The following FNDC3B variants were observed in gnomAD, a reference collection of about 807,000 sequenced individuals.
The protein encoded by FNDC3B is fibronectin type III domain containing 3B, also known as fibronectin type III domain-containing protein 3B.
In FNDC3B, 12 loss-of-function variants were observed where a neutral mutation model predicts 151.5. The observed-to-expected ratio is 0.08, with a 90% CI of 0.05 to 0.13. The LOEUF (loss-of-function observed/expected upper bound fraction) is 0.13. Among genes scored for constraint, FNDC3B ranks in the 10% least tolerant of loss-of-function variants. The pLI is 1.00. For missense variants in FNDC3B, 1,214 were observed against 1,505.3 expected (o/e 0.81, Z 3.20); for synonymous variants, 528 against 549.0 (o/e 0.96, Z 0.54).
intron 22 of FNDC3B, among the ~76,000 whole-genome samples, chr3:172,357,654 T>A (rs1333064315): frequency 6.6e-6 from 1 of 152,188 alleles, no homozygotes; most frequent in Admixed American, 6.5e-5. Flanking sequence ...TTCAGCTGTC[T>A]CAGCCTCCTG....
intron 2 of FNDC3B, among the ~76,000 whole-genome samples, chr3:172,114,945 A>G (rs76830237): frequency 3.2e-4 from 48 of 152,350 alleles, no homozygotes; most frequent in African/African-American, 1.1e-3. Context: ...AAGCATTAAC[A>G]TCCTTGGTTC....
chr3:172,385,569 T>A (rs1735668914), intron 25 of FNDC3B, among the ~76,000 whole-genome samples: 1 of 151,532 alleles, frequency 6.6e-6, no homozygotes, highest in Non-Finnish European at 1.5e-5. Context: ...TTTTCTTTTT[T>A]TTTTTTTTGG....
intron 1 of FNDC3B, among the ~76,000 whole-genome samples, chr3:172,045,794 CTATATA>C (rs1164183832): frequency 1.4e-5 from 2 of 146,774 alleles, no homozygotes; most frequent in African/African-American, 5.0e-5. Context: ...CTCTCTCTCT[CTATATA>C]TATATATACA....
chr3:172,074,161 C>T (rs550335951), intron 1 of FNDC3B, among the ~76,000 whole-genome samples: 101 of 152,344 alleles, frequency 6.6e-4, no homozygotes, highest in African/African-American at 2.3e-3. Flanking sequence ...AAGGCTGCTT[C>T]TAGCCTGAGG....
At chr3:172,150,360 ACT>A (rs1722156664) in intron 3 of FNDC3B, among the ~76,000 whole-genome samples, 1 of 151,852 alleles carries the variant, frequency 6.6e-6, no homozygotes, top group South Asian at 2.1e-4. Flanking sequence ...GAATGAAAAA[ACT>A]CTAAAACAGA....
intron 6 of FNDC3B, among the ~76,000 whole-genome samples, chr3:172,279,247 C>T (rs1274626826): frequency 1.3e-5 from 2 of 152,014 alleles, no homozygotes; most frequent in Non-Finnish European, 2.9e-5. Flanking sequence ...GGAAATCATC[C>T]TGTCCAGTGA....
chr3:172,310,932 A>G (rs942508496), intron 11 of FNDC3B, 51 bp downstream of exon 11: 1 of 1,249,738 alleles, frequency 8.0e-7, no homozygotes, highest in African/African-American at 1.5e-5. Flanking sequence ...CAAAAACAAA[A>G]TTAACTGAAC....
At chr3:172,215,135 A>G (rs140358053) in intron 3 of FNDC3B, among the ~76,000 whole-genome samples, 14 of 152,364 alleles carry the variant, frequency 9.2e-5, no homozygotes, top group African/African-American at 3.4e-4. Flanking sequence ...TATTTGCAAA[A>G]TTGCCCTGCC....
intron 1 of FNDC3B, among the ~76,000 whole-genome samples, chr3:172,063,758 T>G (rs1168923057): frequency 6.6e-6 from 1 of 152,184 alleles, no homozygotes; most frequent in Non-Finnish European, 1.5e-5. Flanking sequence ...CTCTAATGCC[T>G]TTTCTAGCTC....
At chr3:172,225,135 C>T (rs1439652448) in intron 3 of FNDC3B, among the ~76,000 whole-genome samples, 3 of 152,170 alleles carry the variant, frequency 2.0e-5, no homozygotes, top group Non-Finnish European at 4.4e-5. Context: ...TTGTTGTTCA[C>T]GTCTTTTATT....
At chr3:172,134,345 C>T (rs200006160) in intron 3 of FNDC3B, 23 of 517,546 alleles carry the variant, frequency 4.4e-5, no homozygotes, top group Admixed American at 3.9e-5. Flanking sequence ...CTGATGTTAG[C>T]TGGTAAACAC....
In FNDC3B at chr3:172,362,916, A is replaced by G. The variant is rs899456922; in HGVS notation, c.3008+71A>G. The G allele has an allele frequency of 1.1e-4, 138 of 1,239,246 alleles. No homozygotes were observed. Among genetic ancestry groups the G allele is most frequent in the Admixed American group, 1.0e-4 (5 of 49,390 alleles). 76.8% of individuals were successfully genotyped at this position (1,239,246 alleles called of 1,614,324 possible). A position where few individuals can be genotyped will look rare whatever the true frequency, so the allele number is the denominator to read the frequency against. Reference sequence around the variant, plus strand: ...TTGTGGGATGAAATCTCAATTGTACATTTTTATTTGCTTGCACTAAGACCC... The same window carrying G: ...TTGTGGGATGAAATCTCAATTGTACGTTTTTATTTGCTTGCACTAAGACCC... On this transcript the variant is annotated intron_variant, in intron 23 of 25. Coordinates refer to ENST00000415807, the MANE Select transcript of FNDC3B (RefSeq NM_022763.4).
At chr3:172,322,051 C>T (rs575170037) in intron 11 of FNDC3B, among the ~76,000 whole-genome samples, 1 of 152,326 alleles carries the variant, frequency 6.6e-6, no homozygotes, top group Non-Finnish European at 1.5e-5. Context: ...TGTAATATTG[C>T]ATAACAAATT....
intron 3 of FNDC3B, among the ~76,000 whole-genome samples, chr3:172,211,173 T>G (rs1560020188): frequency 1.3e-5 from 2 of 152,224 alleles, no homozygotes. Context: ...ATAACATAAA[T>G]GTAAAAACGT....
chr3:172,197,271 C>T (rs77241141), intron 3 of FNDC3B, among the ~76,000 whole-genome samples: 3,905 of 152,144 alleles, frequency 0.026, 171 homozygotes, highest in African/African-American at 0.089. Flanking sequence ...GTTACAAATA[C>T]GGTGCAAAAT....
intron 3 of FNDC3B, among the ~76,000 whole-genome samples, chr3:172,178,167 C>G (rs910788293): frequency 6.6e-6 from 1 of 152,136 alleles, no homozygotes; most frequent in East Asian, 1.9e-4. Flanking sequence ...AGCCCAAGCT[C>G]TCAGCCTCCA....
At chr3:172,192,580 G>A (rs1024421462) in intron 3 of FNDC3B, among the ~76,000 whole-genome samples, 8 of 152,082 alleles carry the variant, frequency 5.3e-5, no homozygotes, top group African/African-American at 1.7e-4. Context: ...AGAAGTTCTT[G>A]ATTATAGCAG....
At chr3:172,199,174 ATTTTATT>A (rs1333421269) in intron 3 of FNDC3B, among the ~76,000 whole-genome samples, 1 of 147,824 alleles carries the variant, frequency 6.8e-6, no homozygotes, top group Non-Finnish European at 1.5e-5. Context: ...AGAATATTTT[ATTTTATT>A]TTTTATTTTT....
At chr3:172,205,382 T>C (rs1576796176) in intron 3 of FNDC3B, among the ~76,000 whole-genome samples, 1 of 152,346 alleles carries the variant, frequency 6.6e-6, no homozygotes, top group East Asian at 1.9e-4. Flanking sequence ...AAGCCAACCA[T>C]GTGCCAGGTA....
Sources: gnomAD v4.1 joint callset for allele counts (sites outside exome capture counted in the v4.1 genomes callset) on GRCh38, gnomAD v4.1.1 for gene constraint, MANE v1.5 for transcripts, NCBI Gene and HGNC (gene_info 2026-07-23, HGNC 2026-07-21) for gene names.